The following AGAP1 variants were observed in gnomAD, a reference collection of about 807,000 sequenced individuals.
AGAP1 encodes ArfGAP with GTPase domain, ankyrin repeat and PH domain 1.
AGAP1 carries 29 observed loss-of-function variants against 105.3 expected under a neutral mutation model. The ratio of observed to expected loss-of-function variants is 0.28; its 90% CI spans 0.21 to 0.38. The LOEUF is 0.38. Among genes scored for constraint, AGAP1 ranks in the 10% least tolerant of loss-of-function variants. AGAP1 has a pLI of 1.00. For missense variants in AGAP1, 998 were observed against 1,165.1 expected (o/e 0.86, Z 2.09); for synonymous variants, 509 against 485.9 (o/e 1.05, Z -0.63).
Position 235,827,001 on chromosome 2 carries a change from A to T in AGAP1, c.1050+19670A>T, listed in dbSNP as rs545398734. Among the ~76,000 whole-genome samples the T allele has an allele frequency of 4.6e-5, 7 of 152,258 alleles. No homozygotes were observed. The South Asian group carries it at 1.5e-3, about 32-fold the overall frequency. On this transcript the variant is annotated intron_variant, in intron 9 of 17. Coordinates refer to ENST00000304032, the MANE Select transcript of AGAP1 (RefSeq NM_001037131.3). ...GGCTCCGCGTGTTGGAGAATTCAGTACCAGATCCATGGCTCATCCTAAGCA... is the reference window on the plus strand; with the variant it reads ...GGCTCCGCGTGTTGGAGAATTCAGTTCCAGATCCATGGCTCATCCTAAGCA...
rs1161355675 is a variant in AGAP1, at chr2:235,883,618, G to T, written c.1155+169G>T. ...TAACCCTGTTCCTCACACTCCACTA[G>T]ACCATATGTCTTTCTCTCTCTTCCC... On this transcript the variant is annotated intron_variant, in intron 10 of 17. Transcript: ENST00000304032. The surrounding 1 kb of genome is among the most constrained non-coding windows in gnomAD (Gnocchi z 4.5). Among the ~76,000 whole-genome samples, 2 of 152,098 alleles carry T rather than the reference G, an allele frequency of 1.3e-5. No homozygotes were observed. Among genetic ancestry groups the T allele is most frequent in the African/African-American group, 4.8e-5 (2 of 41,406 alleles).
chr2:236,068,659 G>T (rs1417791070), intron 16 of AGAP1, among the ~76,000 whole-genome samples: 2 of 148,510 alleles, frequency 1.3e-5, no homozygotes, highest in Non-Finnish European at 3.0e-5. Flanking sequence ...AATTAGCCGG[G>T]CGTGGTGGCG....
At position 235,719,302 on chromosome 2, in the gene AGAP1, T is replaced by C. The variant is rs1951267061; in HGVS notation, c.310+1658T>C. ...GACCACGACTCACTCATGGTGGCCT[T>C]TCTGCTATATGGCTATTTGGTCATT... is the stretch of plus-strand genomic sequence containing the variant. On this transcript the variant is annotated intron_variant, in intron 3 of 17. Coordinates refer to ENST00000304032, the MANE Select transcript of AGAP1 (RefSeq NM_001037131.3). The surrounding 1 kb of genome is among the most constrained non-coding windows in gnomAD (Gnocchi z 4.9). Among the ~76,000 whole-genome samples the C allele has an allele frequency of 6.6e-6, 1 of 152,204 alleles. No individual in the cohort carries two copies. Among genetic ancestry groups the C allele is most frequent in the Non-Finnish European group, 1.5e-5 (1 of 68,036 alleles).
intron 10 of AGAP1, among the ~76,000 whole-genome samples, chr2:235,898,087 A>G (rs550501713): frequency 1.3e-5 from 2 of 152,372 alleles, no homozygotes; most frequent in East Asian, 3.9e-4. Flanking sequence ...TAGGCTAAAA[A>G]TCCGCTGATG....
At chr2:236,111,926 T>C (rs1559287385) in intron 16 of AGAP1, among the ~76,000 whole-genome samples, 1 of 152,184 alleles carries the variant, frequency 6.6e-6, no homozygotes, top group Non-Finnish European at 1.5e-5. Context: ...TGCCTTTTGA[T>C]TGGAGTCATC....
intron 13 of AGAP1, among the ~76,000 whole-genome samples, chr2:235,972,627 C>T (rs1299148918): frequency 2.0e-5 from 3 of 152,190 alleles, no homozygotes; most frequent in Non-Finnish European, 4.4e-5. Flanking sequence ...ACTCTTCTCC[C>T]TCCCACTGGT....
intron 1 of AGAP1, among the ~76,000 whole-genome samples, chr2:235,703,570 C>T (rs1950367584): frequency 7.0e-6 from 1 of 142,166 alleles, no homozygotes; most frequent in East Asian, 2.3e-4. Flanking sequence ...CCTTCCCCTC[C>T]CCCGCTTCCC....
At chr2:235,526,157 T>G (rs11901752) in intron 1 of AGAP1, among the ~76,000 whole-genome samples, 842 of 3,660 alleles carry the variant, frequency 0.23, 353 homozygotes, top group East Asian at 1. Flanking sequence ...GAGGACTGAT[T>G]TATAAAGTAG....
chr2:235,972,589 T>C (rs2054695331), intron 13 of AGAP1, among the ~76,000 whole-genome samples: 1 of 152,182 alleles, frequency 6.6e-6, no homozygotes, highest in African/African-American at 2.4e-5. Flanking sequence ...TGTCCGGCTG[T>C]GGTGACCGGG....
In AGAP1 at chr2:235,904,481, C is replaced by G. The variant is rs528560580; in HGVS notation, c.1156-4257C>G. Among the ~76,000 whole-genome samples, 17 of 152,280 alleles carry G rather than the reference C, an allele frequency of 1.1e-4. No individual in the cohort carries two copies. Among genetic ancestry groups the G allele is most frequent in the Non-Finnish European group, 1.9e-4 (13 of 68,028 alleles). On this transcript the variant is annotated intron_variant, in intron 10 of 17. Transcript: ENST00000304032. This position sits in a 1 kb window ranked among gnomAD's most constrained non-coding sequence, Gnocchi z 4.2. The stretch of plus-strand genomic sequence containing the variant: ...CTGGCTCTTGAGTGGGCCCCAGGGA[C>G]TTGTTAAGTGCTGTTTAAAAGTACT...
At chr2:235,502,681 T>G (rs1449922363) in intron 1 of AGAP1, among the ~76,000 whole-genome samples, 1 of 150,942 alleles carries the variant, frequency 6.6e-6, no homozygotes, top group Non-Finnish European at 1.5e-5. Context: ...AGCATCATGG[T>G]TAGAAGCTTT....
rs1252189605 is a variant in AGAP1, at chr2:235,893,347, G to C, written c.1155+9898G>C. On this transcript the variant is annotated intron_variant, in intron 10 of 17. Transcript: ENST00000304032. This position sits in a 1 kb window ranked among gnomAD's most constrained non-coding sequence, Gnocchi z 4.7. ...GTGGCATGGGTGTGGCTTGTCTGTGGTGTGGGTGTGCCGTGTCCATCATAG... is the reference window on the plus strand; with the variant it reads ...GTGGCATGGGTGTGGCTTGTCTGTGCTGTGGGTGTGCCGTGTCCATCATAG... Among the ~76,000 whole-genome samples the C allele has an allele frequency of 1.3e-5, 2 of 151,386 alleles. No individual in the cohort carries two copies. The highest frequency in any genetic ancestry group is 2.9e-5 in the Non-Finnish European group (2 of 67,842).
In AGAP1 at chr2:235,736,691, C is replaced by G. The variant is rs1575274080; in HGVS notation, c.311-4272C>G. Among the ~76,000 whole-genome samples the G allele has an allele frequency of 6.6e-6, 1 of 152,092 alleles. No individual in the cohort carries two copies. The highest frequency in any genetic ancestry group is 1.9e-4 in the East Asian group (1 of 5,162). ...GCAACACAATGAGGCCCCATCTCATCTATCCAGGTGTGGCGGCACATGTCC... is the reference window on the plus strand; with the variant it reads ...GCAACACAATGAGGCCCCATCTCATGTATCCAGGTGTGGCGGCACATGTCC... On this transcript the variant is annotated intron_variant, in intron 3 of 17. Transcript: ENST00000304032. This position sits in a 1 kb window ranked among gnomAD's most constrained non-coding sequence, Gnocchi z 5.5.
chr2:235,907,214 C>T (rs541858479), intron 10 of AGAP1, among the ~76,000 whole-genome samples: 8 of 152,326 alleles, frequency 5.3e-5, no homozygotes, highest in East Asian at 1.9e-4. Flanking sequence ...CTCTCTGCAT[C>T]GGGTAACTGC....
intron 10 of AGAP1, among the ~76,000 whole-genome samples, chr2:235,897,235 T>C (rs13020312): frequency 0.35 from 53,129 of 151,920 alleles, 10,299 homozygotes; most frequent in South Asian, 0.64. Context: ...GGACAGGGTT[T>C]TGCTATGTTG....
chr2:235,997,879 C>T (rs866710883), intron 13 of AGAP1, among the ~76,000 whole-genome samples: 1 of 151,904 alleles, frequency 6.6e-6, no homozygotes, highest in African/African-American at 2.4e-5. Flanking sequence ...TTTGAAACCA[C>T]GAGCCACAGT....
chr2:236,117,431 C>T (rs918944801), intron 16 of AGAP1, among the ~76,000 whole-genome samples: 2 of 152,168 alleles, frequency 1.3e-5, no homozygotes, highest in African/African-American at 2.4e-5. Context: ...TCCAGCAGTT[C>T]CCGGGGAGAA....
At chr2:235,847,548 G>A (rs1257277271) in intron 9 of AGAP1, among the ~76,000 whole-genome samples, 2 of 152,150 alleles carry the variant, frequency 1.3e-5, no homozygotes, top group Non-Finnish European at 1.5e-5. Flanking sequence ...CAAGTTTATC[G>A]TAAAACTGTT....
Position 236,045,564 on chromosome 2 carries a change from A to G in AGAP1, c.1892-3495A>G, listed in dbSNP as rs952083194. On this transcript the variant is annotated intron_variant, in intron 15 of 17. Transcript: ENST00000304032. This position sits in a 1 kb window ranked among gnomAD's most constrained non-coding sequence, Gnocchi z 6.9. ...GGCAGTGCTAGCAGGTGGCACGCAC[A>G]CAGGTGTGAGGGCCTGGAGAGCAGG... 1.3e-5 allele frequency among the ~76,000 whole-genome samples: 2 copies of G among 152,236 alleles called. No individual in the cohort carries two copies. Among genetic ancestry groups the G allele is most frequent in the African/African-American group, 4.8e-5 (2 of 41,460 alleles).
Sources: allele counts gnomAD v4.1 joint callset (sites outside exome capture counted in the v4.1 genomes callset), GRCh38; gene constraint gnomAD v4.1.1; non-coding constraint Gnocchi (gnomAD v3.1); transcripts MANE v1.5; gene names NCBI Gene and HGNC (gene_info 2026-07-23, HGNC 2026-07-21).